Variants in TBC1D1 observed in about 807,000 individuals in gnomAD.
TBC1D1 encodes the protein TBC1 domain family member 1, also known as TBC1 (tre-2/USP6, BUB2, cdc16) domain family, member 1.
A neutral mutation model predicts 125.6 loss-of-function variants in TBC1D1; 89 were observed. That is an observed-to-expected ratio of 0.71 (90% CI 0.60 to 0.85). TBC1D1 has a LOEUF of 0.85. Ranked by LOEUF, TBC1D1 falls within the 40% of genes least tolerant of loss-of-function variation. TBC1D1 has a pLI of 0.00. For missense variants in TBC1D1, 1,377 were observed against 1,469.2 expected (o/e 0.94, Z 1.03); for synonymous variants, 565 against 564.1 (o/e 1.00, Z -0.02).
chr4:38,056,971 T>C (rs1378210427), intron 12 of TBC1D1, among the ~76,000 whole-genome samples: 1 of 152,232 alleles, frequency 6.6e-6, no homozygotes, highest in East Asian at 1.9e-4. Context: ...TGGACAAACA[T>C]GGCCTTTGTG....
chr4:37,909,248 A>G lies in TBC1D1; in HGVS notation c.417+6736A>G, dbSNP rs114359925. Reference sequence around the variant, plus strand: ...GCATATTAAACAAGAAGGCAGTCTGAAGCTGTTTTCTTGTGATTAGCAGGA... The same window carrying G: ...GCATATTAAACAAGAAGGCAGTCTGGAGCTGTTTTCTTGTGATTAGCAGGA... On this transcript the variant is annotated intron_variant, in intron 2 of 19. Coordinates refer to ENST00000261439, the MANE Select transcript of TBC1D1 (RefSeq NM_015173.4). 2.5e-3 allele frequency among the ~76,000 whole-genome samples: 377 copies of G among 152,306 alleles called. 3 individuals carry two copies. The highest frequency in any genetic ancestry group is 8.5e-3 in the African/African-American group (355 of 41,562).
At position 38,021,673 on chromosome 4, in the gene TBC1D1, G is replaced by A. The variant is rs61731610; in HGVS notation, c.1165G>A (p.Gly389Ser). ...TAAGGCGCCAGCCCAGCTGTGTGAG[G>A]GCTGCCCCCTGCAAAGCCTGCACAA... The change falls in exon 6 of 20, where the codon GGC becomes AGC. Residue 389 changes from glycine (G) to serine (S), a missense_variant. By Grantham distance (56) the Gly-to-Ser change is moderately conservative. Coordinates refer to ENST00000261439, the MANE Select transcript of TBC1D1 (RefSeq NM_015173.4). 48,149 of 1,596,324 alleles carry A rather than the reference G, an allele frequency of 0.03. 905 individuals carry two copies. Among genetic ancestry groups the A allele is most frequent in the African/African-American group, 0.061 (4,514 of 74,298 alleles).
At chr4:38,065,237 T>C (rs1488750221) in intron 12 of TBC1D1, among the ~76,000 whole-genome samples, 1 of 152,076 alleles carries the variant, frequency 6.6e-6, no homozygotes, top group Non-Finnish European at 1.5e-5. Flanking sequence ...TGTGAGCCAC[T>C]GCACCCACCC....
chr4:37,980,827 A>T (rs945749347), intron 2 of TBC1D1, among the ~76,000 whole-genome samples: 2 of 152,198 alleles, frequency 1.3e-5, no homozygotes, highest in African/African-American at 4.8e-5. Flanking sequence ...TACTTTTTGT[A>T]TATAAGCAGT....
At chr4:37,898,663 T>G (rs1159805848) in intron 1 of TBC1D1, among the ~76,000 whole-genome samples, 3 of 152,000 alleles carry the variant, frequency 2.0e-5, no homozygotes, top group Non-Finnish European at 4.4e-5. Flanking sequence ...CCAAGAGAAA[T>G]GCTGACTGTC....
intron 12 of TBC1D1, among the ~76,000 whole-genome samples, chr4:38,082,811 G>T (rs1194743739): frequency 6.6e-6 from 1 of 152,164 alleles, no homozygotes; most frequent in Non-Finnish European, 1.5e-5. Context: ...GGTCTTCAGT[G>T]CTCCTCTGAG....
intron 12 of TBC1D1, among the ~76,000 whole-genome samples, chr4:38,068,158 G>A (rs777818922): frequency 3.9e-5 from 6 of 152,098 alleles, no homozygotes; most frequent in Admixed American, 3.9e-4. Context: ...ATATCAAGGA[G>A]GAAAGGGTGA....
At chr4:38,124,363 C>T (rs569406163) in intron 17 of TBC1D1, among the ~76,000 whole-genome samples, 21 of 152,196 alleles carry the variant, frequency 1.4e-4, no homozygotes, top group Non-Finnish European at 2.6e-4. Flanking sequence ...ACTCTAAGAA[C>T]AAAATATGGC....
chr4:37,910,368 T>C (rs1718321609), intron 2 of TBC1D1, among the ~76,000 whole-genome samples: 1 of 152,180 alleles, frequency 6.6e-6, no homozygotes. Flanking sequence ...GCTGTAAGTA[T>C]AAAAAACACA....
intron 6 of TBC1D1, among the ~76,000 whole-genome samples, chr4:38,022,609 TGAATCC>T (rs749017495): frequency 6.6e-6 from 1 of 152,166 alleles, no homozygotes; most frequent in Non-Finnish European, 1.5e-5. Flanking sequence ...AGGGGCCGAA[TGAATCC>T]GAATGGAATG....
intron 12 of TBC1D1, among the ~76,000 whole-genome samples, chr4:38,071,656 A>G (rs1417528830): frequency 2.0e-5 from 3 of 151,826 alleles, no homozygotes; most frequent in Admixed American, 6.6e-5. Flanking sequence ...TTGCTGCTTT[A>G]CTCTTCCTGA....
rs142082982 is a variant in TBC1D1, at chr4:38,137,218, T to A, written c.3390T>A (p.Leu1130=). 95 of 1,612,780 alleles carry A rather than the reference T, an allele frequency of 5.9e-5. No homozygotes were observed. The highest frequency in any genetic ancestry group is 7.3e-5 in the Non-Finnish European group (86 of 1,180,022). ...AGAGCAAGCTGAAGCAGGCCATGCT[T>A]ACCTTAGAACTGGAGCGGTCGGCCC... Residue 1130 remains leucine, a synonymous_variant, in exon 20 of 20, where the codon CTT becomes CTA. Coordinates refer to ENST00000261439, the MANE Select transcript of TBC1D1 (RefSeq NM_015173.4).
At chr4:37,982,359 A>C (rs768840261) in intron 2 of TBC1D1, among the ~76,000 whole-genome samples, 8 of 152,136 alleles carry the variant, frequency 5.3e-5, no homozygotes, top group Non-Finnish European at 8.8e-5. Context: ...ATTGTTTTAA[A>C]ATTTTTTTTT....
rs746661621 is a variant in TBC1D1, at chr4:38,090,080, G to T, written c.2199G>T (p.Leu733=). Residue 733 remains leucine, a synonymous_variant, in exon 13 of 20, where the codon CTG becomes CTT. Coordinates refer to ENST00000261439, the MANE Select transcript of TBC1D1 (RefSeq NM_015173.4). Reference sequence around the variant, plus strand: ...AAAAGGCTATTCTTCAACAGATACTGCTGCTTAGAATGGAGAAGGAAAATC... The same window carrying T: ...AAAAGGCTATTCTTCAACAGATACTTCTGCTTAGAATGGAGAAGGAAAATC... 8.1e-6 allele frequency: 13 copies of T among 1,613,972 alleles called. No individual in the cohort carries two copies. In the East Asian group the frequency reaches 2.7e-4, roughly 33 times the overall value.
chr4:38,031,104 A>G (rs1230471841), intron 7 of TBC1D1, among the ~76,000 whole-genome samples: 1 of 152,230 alleles, frequency 6.6e-6, no homozygotes, highest in Non-Finnish European at 1.5e-5. Context: ...GGATGACCCC[A>G]TGATGCTCTG....
intron 2 of TBC1D1, chr4:37,960,994 T>C (rs1167083390): frequency 6.2e-7 from 1 of 1,614,248 alleles, no homozygotes; most frequent in Admixed American, 1.7e-5. Context: ...AAGCATTCTG[T>C]CGACCCTGGA....
intron 2 of TBC1D1, among the ~76,000 whole-genome samples, chr4:37,958,689 G>A (rs993686115): frequency 3.3e-5 from 5 of 152,118 alleles, no homozygotes; most frequent in Admixed American, 2.0e-4. Flanking sequence ...CCCCAATTCA[G>A]AGTACTATTA....
chr4:37,912,423 T>A (rs1421414070), intron 2 of TBC1D1, among the ~76,000 whole-genome samples: 1 of 152,142 alleles, frequency 6.6e-6, no homozygotes, highest in Non-Finnish European at 1.5e-5. Flanking sequence ...GCCTGCTGGG[T>A]TAGAGTTTTA....
In TBC1D1 at chr4:37,937,399, C is replaced by T. The variant is rs1194466915; in HGVS notation, c.417+34887C>T. 5.3e-5 allele frequency among the ~76,000 whole-genome samples: 8 copies of T among 152,140 alleles called. No individual in the cohort carries two copies. In the South Asian group the frequency reaches 8.3e-4, roughly 16 times the overall value. Reference sequence around the variant, plus strand: ...AGTGTCTAAGCATAATAAATGCTTACGATAAAAATTCAATCAATTCAGAAG... The same window carrying T: ...AGTGTCTAAGCATAATAAATGCTTATGATAAAAATTCAATCAATTCAGAAG... On this transcript the variant is annotated intron_variant, in intron 2 of 19. Transcript: ENST00000261439.
Sources: allele counts gnomAD v4.1 joint callset (sites outside exome capture counted in the v4.1 genomes callset), GRCh38; gene constraint gnomAD v4.1.1; transcripts MANE v1.5; gene names NCBI Gene and HGNC (gene_info 2026-07-23, HGNC 2026-07-21).